Variants in CCDC178 observed in about 807,000 individuals in gnomAD.
The protein encoded by CCDC178 is coiled-coil domain containing 178.
A neutral mutation model predicts 117.4 loss-of-function variants in CCDC178; 126 were observed. The observed-to-expected ratio is 1.07, with a 90% CI of 0.93 to 1.24. The LOEUF (loss-of-function observed/expected upper bound fraction) is 1.24, where lower values mean the gene tolerates loss of function less well. CCDC178 is among the 50% of genes most tolerant of loss of function. The pLI, the probability that CCDC178 is intolerant of heterozygous loss-of-function variation, is 0.00. For synonymous variants in CCDC178, 283 were observed against 313.4 expected, an observed-to-expected ratio of 0.90 and a Z score of 1.02; for missense variants, 1,030 against 986.9, an observed-to-expected ratio of 1.04 and a Z score of -0.59.
chr18:33,406,738 C>T (rs953761288), intron 3 of CCDC178, among the ~76,000 whole-genome samples: 2 of 151,974 alleles, frequency 1.3e-5, no homozygotes, highest in African/African-American at 4.8e-5. Flanking sequence ...AAAGTTATAG[C>T]AAGTCTATAA....
At chr18:33,254,878 T>C (rs1161320332) in intron 14 of CCDC178, among the ~76,000 whole-genome samples, 1 of 152,014 alleles carries the variant, frequency 6.6e-6, no homozygotes, top group Non-Finnish European at 1.5e-5. Flanking sequence ...TGGAGATAGT[T>C]TGTTTGTCAC....
intron 12 of CCDC178, among the ~76,000 whole-genome samples, chr18:33,272,612 C>G (rs1367729299): frequency 6.6e-6 from 1 of 151,548 alleles, no homozygotes; most frequent in Non-Finnish European, 1.5e-5. Context: ...AAAGTACAGA[C>G]TGATATCTCT....
rs530925514 is a variant in CCDC178 at position 33,083,399 on chromosome 18, T to C, written c.2388+9362A>G. ...CTCTTGCTATATGTTGTCAATTTGT[T>C]CTTCATAGGGAGCATTTCAAAGTAC... On this transcript the variant is annotated intron_variant, in intron 21 of 22. Coordinates refer to ENST00000383096, the MANE Select transcript of CCDC178 (RefSeq NM_001105528.4). Among the ~76,000 whole-genome samples the C allele has an allele frequency of 4.6e-5, 7 of 152,342 alleles. 1 individual carries two copies. Among genetic ancestry groups the C allele is most frequent in the Admixed American group, 1.3e-4 (2 of 15,302 alleles).
chr18:33,342,668 C>A (rs2062831553), intron 9 of CCDC178, among the ~76,000 whole-genome samples: 1 of 152,152 alleles, frequency 6.6e-6, no homozygotes, highest in African/African-American at 2.4e-5. Flanking sequence ...TGAAGCTGAC[C>A]TGAACCCAAC....
At chr18:33,388,773 C>T (rs1261630823) in intron 5 of CCDC178, among the ~76,000 whole-genome samples, 1 of 151,766 alleles carries the variant, frequency 6.6e-6, no homozygotes, top group East Asian at 1.9e-4. Flanking sequence ...CCCGCCTCGG[C>T]CTCCCAAAGT....
intron 21 of CCDC178, among the ~76,000 whole-genome samples, chr18:33,070,417 T>G (rs1378219252): frequency 2.6e-5 from 4 of 152,034 alleles, no homozygotes; most frequent in African/African-American, 9.7e-5. Context: ...AAGCCAGGGA[T>G]AAAATGACAA....
At chr18:33,022,690 A>G (rs896036273) in intron 21 of CCDC178, among the ~76,000 whole-genome samples, 1 of 152,162 alleles carries the variant, frequency 6.6e-6, no homozygotes, top group Non-Finnish European at 1.5e-5. Flanking sequence ...AACAGAAAAC[A>G]AATAGAAAGC....
chr18:33,214,556 T>C (rs1226940572), intron 19 of CCDC178, among the ~76,000 whole-genome samples: 2 of 152,166 alleles, frequency 1.3e-5, no homozygotes, highest in Middle Eastern at 3.4e-3. Flanking sequence ...ATGTAAGTTA[T>C]ATACATTTAT....
intron 20 of CCDC178, among the ~76,000 whole-genome samples, chr18:33,134,571 G>C (rs2058103105): frequency 6.6e-6 from 1 of 151,998 alleles, no homozygotes; most frequent in African/African-American, 2.4e-5. Context: ...CATTTTCATA[G>C]CTGAGTTTTA....
At chr18:33,139,000 C>T (rs751740667) in intron 20 of CCDC178, among the ~76,000 whole-genome samples, 1 of 152,164 alleles carries the variant, frequency 6.6e-6, no homozygotes. Flanking sequence ...ACAATTCCCA[C>T]GTGTCATAAC....
chr18:33,326,932 CAGCATTTACTAA>C (rs1448244353), intron 10 of CCDC178, among the ~76,000 whole-genome samples: 2 of 152,030 alleles, frequency 1.3e-5, no homozygotes, highest in Non-Finnish European at 2.9e-5. Context: ...TGTAATGCAG[CAGCATTTACTAA>C]AGCCCAAGCA....
intron 21 of CCDC178, among the ~76,000 whole-genome samples, chr18:33,010,372 AGTCACT>A (rs1466847265): frequency 3.9e-5 from 6 of 152,154 alleles, no homozygotes; most frequent in South Asian, 2.1e-4. Context: ...TGATGTATGA[AGTCACT>A]GTCACCATTG....
intron 21 of CCDC178, among the ~76,000 whole-genome samples, chr18:33,085,517 C>G (rs1418093195): frequency 6.6e-6 from 1 of 151,884 alleles, no homozygotes; most frequent in East Asian, 1.9e-4. Flanking sequence ...GAGCCGAGAT[C>G]GCGCCACTGC....
intron 11 of CCDC178, among the ~76,000 whole-genome samples, chr18:33,297,288 G>C (rs778151339): frequency 6.6e-6 from 1 of 151,816 alleles, no homozygotes; most frequent in Non-Finnish European, 1.5e-5. Flanking sequence ...AGAAAAGCAA[G>C]AACAAACCAA....
intron 20 of CCDC178, among the ~76,000 whole-genome samples, chr18:33,190,484 CCTTT>C (rs1459838029): frequency 6.6e-6 from 1 of 152,128 alleles, no homozygotes; most frequent in Admixed American, 6.6e-5. Flanking sequence ...GTTGTTTCTT[CCTTT>C]CTATAATTTT....
At chr18:33,336,977 G>T (rs2062748991) in intron 9 of CCDC178, among the ~76,000 whole-genome samples, 1 of 151,910 alleles carries the variant, frequency 6.6e-6, no homozygotes, top group African/African-American at 2.4e-5. Context: ...GAATTTGTAT[G>T]TTGCTTTTGG....
At chr18:33,148,230 C>G (rs1002213828) in intron 20 of CCDC178, among the ~76,000 whole-genome samples, 2 of 152,204 alleles carry the variant, frequency 1.3e-5, no homozygotes, top group Admixed American at 6.5e-5. Context: ...GAGACCAGCC[C>G]GGCCAACACA....
chr18:33,101,160 AT>A (rs2057620588), intron 20 of CCDC178, among the ~76,000 whole-genome samples: 2 of 151,702 alleles, frequency 1.3e-5, no homozygotes, highest in African/African-American at 4.8e-5. Context: ...TTTTTCTGAT[AT>A]CAAGAGTGTT....
rs865953852 is a variant in CCDC178 at position 33,070,953 on chromosome 18, T to C, written c.2388+21808A>G. ...CATTACAAAGATACAACAGGGGTTA[T>C]TACCAACAGAGGTCATAAAGATGAA... On this transcript the variant is annotated intron_variant, in intron 21 of 22. Coordinates refer to ENST00000383096, the MANE Select transcript of CCDC178 (RefSeq NM_001105528.4). Among the ~76,000 whole-genome samples, 53 of 152,192 alleles carry C rather than the reference T, an allele frequency of 3.5e-4. 1 individual carries two copies. The highest frequency in any genetic ancestry group is 3.4e-3 in the Middle Eastern group (1 of 294).
Sources: gnomAD v4.1 joint callset for allele counts (sites outside exome capture counted in the v4.1 genomes callset) on GRCh38, gnomAD v4.1.1 for gene constraint, MANE v1.5 for transcripts, NCBI Gene and HGNC (gene_info 2026-07-23, HGNC 2026-07-21) for gene names.